The following FRA10AC1 variants were observed in gnomAD, a reference collection of about 807,000 sequenced individuals.
FRA10AC1 encodes the protein FRA10A associated CGG repeat 1, also known as protein FRA10AC1.
Under a neutral mutation model 56.5 loss-of-function variants are expected in FRA10AC1, and 43 were observed. The ratio of observed to expected loss-of-function variants is 0.76; its 90% CI spans 0.60 to 0.98. FRA10AC1 has a LOEUF of 0.98. FRA10AC1 is among the 50% of genes least tolerant of loss of function. The pLI, the probability that FRA10AC1 is intolerant of heterozygous loss-of-function variation, is 0.00. For synonymous variants in FRA10AC1, 112 were observed against 110.5 expected (o/e 1.01, Z -0.09); for missense variants, 346 against 351.8 (o/e 0.98, Z 0.13).
chr10:93,701,836 A>G (rs890855036), intron 1 of FRA10AC1, among the ~76,000 whole-genome samples: 3 of 152,028 alleles, frequency 2.0e-5, no homozygotes, highest in Admixed American at 2.0e-4. Flanking sequence ...TCAGCCTACT[A>G]GATTTCACTG....
At chr10:93,693,564 C>CAT (rs1159010552) in intron 5 of FRA10AC1, among the ~76,000 whole-genome samples, 2 of 99,194 alleles carry the variant, frequency 2.0e-5, no homozygotes, top group East Asian at 2.7e-4. Context: ...ATACATACAC[C>CAT]ATATATATAT....
chr10:93,690,865 T>A (rs2059114214), intron 7 of FRA10AC1, among the ~76,000 whole-genome samples: 1 of 152,172 alleles, frequency 6.6e-6, no homozygotes, highest in Non-Finnish European at 1.5e-5. Context: ...GTGCACGGGT[T>A]TATAAATAGG....
chr10:93,680,203 T>C (rs189106819), intron 11 of FRA10AC1, among the ~76,000 whole-genome samples: 84 of 152,306 alleles, frequency 5.5e-4, no homozygotes, highest in African/African-American at 1.9e-3. Flanking sequence ...AATGAACATA[T>C]AATACAATGA....
At position 93,694,713 on chromosome 10, in the gene FRA10AC1, T is replaced by TAAAAAAAAA. The variant is rs10554752; in HGVS notation, c.296+139_296+147dup. 4 of 218,580 alleles carry TAAAAAAAAA rather than the reference T, an allele frequency of 1.8e-5. No homozygotes were observed. The African/African-American group carries it at 2.4e-4, about 13-fold the overall frequency. The allele number at this position is 218,580 out of a possible 1,614,324, so 13.5% of individuals were successfully genotyped here. A position where few individuals can be genotyped will look rare whatever the true frequency, so the allele number is the denominator to read the frequency against. On this transcript the variant is annotated intron_variant, in intron 5 of 13. Coordinates refer to ENST00000359204, the MANE Select transcript of FRA10AC1 (RefSeq NM_145246.5). ...TGGGCGACAGAGTGAGACTCCATCT[T>TAAAAAAAAA]AAAAAAAAAAAAAAAAAAAAAAAAA... is the stretch of plus-strand genomic sequence containing the variant.
At chr10:93,684,735 T>A (rs1247739732) in intron 9 of FRA10AC1, among the ~76,000 whole-genome samples, 3 of 152,132 alleles carry the variant, frequency 2.0e-5, no homozygotes, top group Non-Finnish European at 2.9e-5. Context: ...AATAAAAGAA[T>A]GACAGACTCT....
At chr10:93,687,314 T>C (rs2059046845) in intron 8 of FRA10AC1, 90 bp downstream of exon 8, 12 of 1,010,566 alleles carry the variant, frequency 1.2e-5, no homozygotes, top group Non-Finnish European at 1.7e-5. Context: ...TAATTTCTTG[T>C]ATATGTTAGG....
intron 9 of FRA10AC1, 30 bp from the exon 10 acceptor site, chr10:93,684,128 G>A: frequency 6.5e-7 from 1 of 1,537,368 alleles, no homozygotes; most frequent in Non-Finnish European, 9.0e-7. Flanking sequence ...CTGAATGGCT[G>A]ATTTTGAATA....
At chr10:93,682,796 C>A (rs1205936334) in intron 10 of FRA10AC1, among the ~76,000 whole-genome samples, 1 of 151,846 alleles carries the variant, frequency 6.6e-6, no homozygotes. Context: ...CAGAGTGAGA[C>A]CTTGTCTCAA....
At chr10:93,681,128 G>T (rs1294400481) in intron 11 of FRA10AC1, among the ~76,000 whole-genome samples, 1 of 152,064 alleles carries the variant, frequency 6.6e-6, no homozygotes, top group Non-Finnish European at 1.5e-5. Context: ...AGCTTGACCA[G>T]TATGAAGGCC....
At chr10:93,684,466 A>T (rs2058990008) in intron 9 of FRA10AC1, among the ~76,000 whole-genome samples, 1 of 150,602 alleles carries the variant, frequency 6.6e-6, no homozygotes, top group South Asian at 2.1e-4. Flanking sequence ...AATGCAAAGG[A>T]GCTTTTCAAA....
intron 11 of FRA10AC1, among the ~76,000 whole-genome samples, chr10:93,679,042 A>G (rs538769935): frequency 2.0e-4 from 30 of 152,198 alleles, no homozygotes; most frequent in Non-Finnish European, 3.8e-4. Context: ...ATGATCCCAG[A>G]TAAGATATTA....
intron 11 of FRA10AC1, among the ~76,000 whole-genome samples, chr10:93,679,676 G>A (rs2058900126): frequency 6.6e-6 from 1 of 152,104 alleles, no homozygotes; most frequent in Admixed American, 6.6e-5. Context: ...GAACCTTTTA[G>A]CTTTGTCCAG....
intron 7 of FRA10AC1, among the ~76,000 whole-genome samples, chr10:93,688,847 A>C (rs1473081567): frequency 6.6e-6 from 1 of 151,690 alleles, no homozygotes; most frequent in Non-Finnish European, 1.5e-5. Context: ...ATAAAAAACC[A>C]CTCCAGTCTA....
chr10:93,669,816 C>T lies in FRA10AC1; in HGVS notation c.*10G>A, dbSNP rs372971841. 1.9e-6 allele frequency: 3 copies of T among 1,554,394 alleles called. No homozygotes were observed. Among genetic ancestry groups the T allele is most frequent in the Non-Finnish European group, 2.6e-6 (3 of 1,139,626 alleles). On this transcript the variant is annotated 3_prime_UTR_variant, in exon 14 of 14. Transcript: ENST00000359204. ...TTCACATTAAGGAGCGGAGGCTTCT[C>T]TCTCTCGTCTCATAGAAACAAATCC...
rs561673186 is a variant in FRA10AC1 at position 93,682,529 on chromosome 10, G to A, written c.669-931C>T. ...ATCCAAAAAAGTTCTGGCCAAGTGTGGAGGCTTATGCCTATCATCCCAGCA... is the reference window on the plus strand; with the variant it reads ...ATCCAAAAAAGTTCTGGCCAAGTGTAGAGGCTTATGCCTATCATCCCAGCA... On this transcript the variant is annotated intron_variant, in intron 10 of 13. Coordinates refer to ENST00000359204, the MANE Select transcript of FRA10AC1 (RefSeq NM_145246.5). 2.0e-5 allele frequency among the ~76,000 whole-genome samples: 3 copies of A among 152,292 alleles called. No individual in the cohort carries two copies. The South Asian group carries it at 6.2e-4, about 32-fold the overall frequency.
In FRA10AC1 at chr10:93,700,039, C is replaced by G. The variant is rs1207803193; in HGVS notation, c.68G>C (p.Arg23Thr). 1 of 1,565,586 alleles carries G rather than the reference C, an allele frequency of 6.4e-7. No homozygotes were observed. Residue 23 changes from arginine (R) to threonine (T), a missense_variant, in exon 2 of 14, where the codon AGG becomes ACG. Physicochemically the swap from Arg to Thr is moderately conservative, Grantham distance 71. Transcript: ENST00000359204. ...AAAAAAAATTACTTACCTTTTTTTC[C>G]TTTTGCTGGATTCTCCACAGCGTTC... ...DDERCGESSK[R>T]KKRTVEDDLL...
At chr10:93,678,463 C>T (rs141732727) in intron 11 of FRA10AC1, among the ~76,000 whole-genome samples, 20 of 152,202 alleles carry the variant, frequency 1.3e-4, no homozygotes, top group Non-Finnish European at 2.4e-4. Context: ...CAGAGAGAAA[C>T]TAGAGAAATC....
chr10:93,674,895 A>G (rs3740369), intron 12 of FRA10AC1: 99,278 of 151,888 alleles, frequency 0.65, 33,468 homozygotes, highest in Middle Eastern at 0.79. Flanking sequence ...ACTAAAATAC[A>G]CTCTCCCACT....
In FRA10AC1 at chr10:93,692,724, T is replaced by C. The variant is rs1236774698; in HGVS notation, c.302A>G (p.Asn101Ser). ...TATAACATCCAAGTCTGTCTTGTCATTTTCCCTGGAAAACAGAACTTTTTC... is the reference window on the plus strand; with the variant it reads ...TATAACATCCAAGTCTGTCTTGTCACTTTCCCTGGAAAACAGAACTTTTTC... ...KKEDFKRLGE[N>S]DKTDLDVIRE... The change falls in exon 6 of 14, where the codon AAT (asparagine) becomes AGT (serine). Residue 101 changes from asparagine (N) to serine (S), a missense_variant. Coordinates refer to ENST00000359204, the MANE Select transcript of FRA10AC1 (RefSeq NM_145246.5). The C allele has an allele frequency of 1.3e-6, 2 of 1,574,912 alleles. No individual in the cohort carries two copies. The highest frequency in any genetic ancestry group is 2.4e-5 in the South Asian group (2 of 84,218).
Sources: allele counts gnomAD v4.1 joint callset (sites outside exome capture counted in the v4.1 genomes callset), GRCh38; gene constraint gnomAD v4.1.1; transcripts MANE v1.5; gene names NCBI Gene and HGNC (gene_info 2026-07-23, HGNC 2026-07-21).